TIAM1: variants seen among roughly 807,000 people sequenced by gnomAD.
TIAM1 encodes the protein rho guanine nucleotide exchange factor TIAM1.
In TIAM1, 65 loss-of-function variants were observed where a neutral mutation model predicts 163.5. The ratio of observed to expected loss-of-function variants is 0.40; its 90% CI spans 0.33 to 0.49. The LOEUF is 0.49. Among genes scored for constraint, TIAM1 ranks in the 20% least tolerant of loss-of-function variants. The pLI, the probability that TIAM1 is intolerant of heterozygous loss-of-function variation, is 0.77. For missense variants in TIAM1, 1,789 were observed against 2,044.7 expected (o/e 0.87, Z 2.41); for synonymous variants, 833 against 810.1 (o/e 1.03, Z -0.48).
At chr21:31,249,530 C>T (rs1018586936) in intron 5 of TIAM1, among the ~76,000 whole-genome samples, 4 of 152,248 alleles carry the variant, frequency 2.6e-5, no homozygotes, top group East Asian at 1.9e-4. Flanking sequence ...AGGTGATCTT[C>T]GGATCAAGCT....
At chr21:31,270,802 A>G (rs2268224) in intron 3 of TIAM1, among the ~76,000 whole-genome samples, 4,524 of 152,264 alleles carry the variant, frequency 0.03, 182 homozygotes, top group African/African-American at 0.093. Context: ...TCTTCTTCCA[A>G]TGTGGCCCAG....
intron 22 of TIAM1, among the ~76,000 whole-genome samples, chr21:31,139,166 CT>C (rs1568898532): frequency 1.3e-5 from 2 of 152,180 alleles, no homozygotes; most frequent in African/African-American, 4.8e-5. Context: ...TCATATTCAT[CT>C]TTTTTTCCTA....
intron 2 of TIAM1, among the ~76,000 whole-genome samples, chr21:31,372,947 C>T (rs567351783): frequency 7.9e-5 from 12 of 151,006 alleles, no homozygotes; most frequent in East Asian, 3.9e-4. Flanking sequence ...AGCAGCTACT[C>T]GGGAGGGTGA....
At chr21:31,442,427 T>A (rs190054221) in intron 2 of TIAM1, among the ~76,000 whole-genome samples, 2 of 151,944 alleles carry the variant, frequency 1.3e-5, no homozygotes, top group East Asian at 3.9e-4. Context: ...GAGACAGGGT[T>A]TCACCATGTT....
intron 16 of TIAM1, among the ~76,000 whole-genome samples, chr21:31,164,131 C>T (rs1441205848): frequency 1.3e-5 from 2 of 152,206 alleles, no homozygotes; most frequent in African/African-American, 4.8e-5. Flanking sequence ...TGGCTCACGC[C>T]TGTAATCCCA....
intron 10 of TIAM1, among the ~76,000 whole-genome samples, chr21:31,211,595 C>T (rs1463952188): frequency 6.6e-6 from 1 of 152,162 alleles, no homozygotes; most frequent in Non-Finnish European, 1.5e-5. Context: ...GAAACGTTTT[C>T]GTAAAAGCCA....
intron 1 of TIAM1, among the ~76,000 whole-genome samples, chr21:31,540,523 A>C (rs2048288817): frequency 6.6e-6 from 1 of 152,206 alleles, no homozygotes; most frequent in African/African-American, 2.4e-5. Context: ...AGGATCGCTT[A>C]AGCCTGGGAG....
chr21:31,298,735 G>GGGGTGTGTGTGTGTGT (rs1555923380), intron 2 of TIAM1, among the ~76,000 whole-genome samples: 3 of 138,482 alleles, frequency 2.2e-5, no homozygotes, highest in Non-Finnish European at 4.6e-5. Context: ...TCCAATTGAG[G>GGGGTGTGTGTGTGTGT]GTGTGTGTGT....
chr21:31,368,935 A>G (rs116936657), intron 2 of TIAM1, among the ~76,000 whole-genome samples: 146 of 152,360 alleles, frequency 9.6e-4, no homozygotes, highest in Middle Eastern at 3.4e-3. Flanking sequence ...TAAAGAGAAA[A>G]GAGAAGAAAG....
At chr21:31,403,283 G>A (rs951634175) in intron 2 of TIAM1, among the ~76,000 whole-genome samples, 4 of 152,058 alleles carry the variant, frequency 2.6e-5, no homozygotes, top group African/African-American at 9.7e-5. Context: ...AAGTAGCTGG[G>A]ACTACAGACG....
chr21:31,353,579 T>C (rs2076268430), intron 2 of TIAM1, among the ~76,000 whole-genome samples: 1 of 152,156 alleles, frequency 6.6e-6, no homozygotes, highest in South Asian at 2.1e-4. Context: ...CTGGTCCTCA[T>C]GACAGCTCAG....
intron 5 of TIAM1, among the ~76,000 whole-genome samples, chr21:31,246,829 C>T (rs2071526244): frequency 6.6e-6 from 1 of 152,152 alleles, no homozygotes; most frequent in Admixed American, 6.5e-5. Context: ...CCACTTATTT[C>T]ACATTTTTTT....
intron 9 of TIAM1, among the ~76,000 whole-genome samples, chr21:31,215,030 G>T (rs1417895042): frequency 6.6e-6 from 1 of 152,054 alleles, no homozygotes; most frequent in African/African-American, 2.4e-5. Context: ...CATACTTTTA[G>T]AAAAAATACA....
chr21:31,256,542 G>T (rs1461809850), intron 4 of TIAM1, among the ~76,000 whole-genome samples: 2 of 146,304 alleles, frequency 1.4e-5, no homozygotes, highest in Non-Finnish European at 3.0e-5. Context: ...TCCTTCCTCT[G>T]ATTTATCATC....
intron 2 of TIAM1, among the ~76,000 whole-genome samples, chr21:31,410,474 C>T (rs1282607656): frequency 2.8e-5 from 4 of 144,824 alleles, no homozygotes; most frequent in South Asian, 2.3e-4. Flanking sequence ...CATGTGTGAG[C>T]GACTGTGTAA....
chr21:31,141,967 C>A lies in TIAM1; in HGVS notation c.3476-463G>T, dbSNP rs896788760. Among the ~76,000 whole-genome samples the A allele has an allele frequency of 6.6e-6, 1 of 152,090 alleles. No homozygotes were observed. The highest frequency in any genetic ancestry group is 1.5e-5 in the Non-Finnish European group (1 of 68,024). ...CACCTCCTGTCTGAGGCTCTTACAC[C>A]CTGGGCCACCATTCCCCTGTCCTAA... On this transcript the variant is annotated intron_variant, in intron 20 of 27. Coordinates refer to ENST00000541036, the MANE Select transcript of TIAM1 (RefSeq NM_001353694.2). The surrounding 1 kb of genome is among the most constrained non-coding windows in gnomAD (Gnocchi z 4.7).
intron 1 of TIAM1, among the ~76,000 whole-genome samples, chr21:31,534,928 A>T (rs1174613981): frequency 6.6e-6 from 1 of 152,146 alleles, no homozygotes; most frequent in Non-Finnish European, 1.5e-5. Context: ...AACATGACGA[A>T]ACCCCATCTC....
chr21:31,412,321 G>A (rs913649975), intron 2 of TIAM1, among the ~76,000 whole-genome samples: 7 of 152,018 alleles, frequency 4.6e-5, no homozygotes, highest in African/African-American at 1.7e-4. Flanking sequence ...TTACTTATGG[G>A]CACAATGTAT....
intron 2 of TIAM1, among the ~76,000 whole-genome samples, chr21:31,290,248 ATT>A (rs2073967303): frequency 6.6e-6 from 1 of 152,112 alleles, no homozygotes; most frequent in Non-Finnish European, 1.5e-5. Context: ...TTCATCTGAT[ATT>A]GAAGGCCAGT....
Sources: allele counts gnomAD v4.1 joint callset (sites outside exome capture counted in the v4.1 genomes callset), GRCh38; gene constraint gnomAD v4.1.1; non-coding constraint Gnocchi (gnomAD v3.1); transcripts MANE v1.5; gene names NCBI Gene and HGNC (gene_info 2026-07-23, HGNC 2026-07-21).